Variants in KANK1 observed in about 807,000 individuals in gnomAD.
The protein encoded by KANK1 is KN motif and ankyrin repeat domains 1.
KANK1 carries 109 observed loss-of-function variants against 106.2 expected under a neutral mutation model. The observed-to-expected ratio is 1.03, with a 90% confidence interval of 0.88 to 1.20. KANK1 has a LOEUF of 1.20. KANK1 is among the 50% of genes most tolerant of loss of function. The pLI, the probability that KANK1 is intolerant of heterozygous loss-of-function variation, is 0.00. For synonymous variants in KANK1, 873 were observed against 652.2 expected (o/e 1.34, Z -5.16); for missense variants, 2,399 against 1,710.7 (o/e 1.40, Z -7.10).
chr9:504,510 G>C (rs897519321), upstream of KANK1, among the ~76,000 whole-genome samples: 1 of 150,220 alleles, frequency 6.7e-6, no homozygotes, highest in Non-Finnish European at 1.5e-5. Flanking sequence ...CCGGGGCTTC[G>C]CCGGCCCGCG....
At chr9:533,409 T>G (rs2060152718) in intron 1 of KANK1, among the ~76,000 whole-genome samples, 1 of 152,234 alleles carries the variant, frequency 6.6e-6, no homozygotes, top group Non-Finnish European at 1.5e-5. Flanking sequence ...ATCACTGGGC[T>G]TTTTGTGGGG....
chr9:615,958 T>C (rs923020408), intron 1 of KANK1, among the ~76,000 whole-genome samples: 1 of 152,152 alleles, frequency 6.6e-6, no homozygotes, highest in Admixed American at 6.5e-5. Context: ...GCTGTGTTGA[T>C]GCCATTTGCC....
chr9:479,156 C>T (rs774530146), intron 3 of KANK1, among the ~76,000 whole-genome samples: 5 of 152,204 alleles, frequency 3.3e-5, no homozygotes, highest in Non-Finnish European at 5.9e-5. Flanking sequence ...AATTTTATAT[C>T]GTGCTCTTTG....
intron 1 of KANK1, among the ~76,000 whole-genome samples, chr9:639,022 G>A (rs1421372823): frequency 6.6e-6 from 1 of 152,106 alleles, no homozygotes; most frequent in Non-Finnish European, 1.5e-5. Context: ...AATGAATAGT[G>A]CATAACAGAA....
chr9:739,814 G>A (rs1315732576), intron 8 of KANK1, among the ~76,000 whole-genome samples: 3 of 151,990 alleles, frequency 2.0e-5, no homozygotes, highest in Non-Finnish European at 4.4e-5. Flanking sequence ...GCTCCATAAG[G>A]TGTAGATCTA....
intron 2 of KANK1, among the ~76,000 whole-genome samples, chr9:696,383 C>T (rs756258165): frequency 1.9e-4 from 29 of 151,978 alleles, no homozygotes; most frequent in African/African-American, 7.0e-4. Flanking sequence ...CACAGTTCCG[C>T]GTATATAGGC....
At chr9:664,523 C>G (rs1008371474) in intron 1 of KANK1, among the ~76,000 whole-genome samples, 2 of 152,110 alleles carry the variant, frequency 1.3e-5, no homozygotes, top group Non-Finnish European at 2.9e-5. Flanking sequence ...TCTCAAACTC[C>G]TGGACTCAAG....
intron 3 of KANK1, among the ~76,000 whole-genome samples, chr9:480,549 A>G (rs1158225456): frequency 7.9e-5 from 12 of 152,258 alleles, no homozygotes; most frequent in Admixed American, 6.5e-4. Context: ...GAATGGGGAA[A>G]GCATTTAGCA....
At chr9:471,828 A>T (rs953247969) in intron 2 of KANK1, among the ~76,000 whole-genome samples, 2 of 152,140 alleles carry the variant, frequency 1.3e-5, no homozygotes, top group African/African-American at 4.8e-5. Flanking sequence ...TAGGCATTGG[A>T]GATTACAGTG....
intron 1 of KANK1, among the ~76,000 whole-genome samples, chr9:600,372 C>G (rs1466014190): frequency 1.3e-5 from 2 of 151,676 alleles, no homozygotes; most frequent in African/African-American, 4.9e-5. Flanking sequence ...AAATTTCATT[C>G]CTTTCTAAGG....
intron 1 of KANK1, among the ~76,000 whole-genome samples, chr9:641,556 C>G (rs114925879): frequency 6.6e-6 from 1 of 152,180 alleles, no homozygotes; most frequent in Non-Finnish European, 1.5e-5. Flanking sequence ...GATTCCAAGG[C>G]ATATTACCCT....
intron 1 of KANK1, among the ~76,000 whole-genome samples, chr9:531,162 G>T (rs748111406): frequency 1.4e-4 from 21 of 152,020 alleles, no homozygotes; most frequent in Non-Finnish European, 2.8e-4. Context: ...TAATTGGCTG[G>T]GTGTAGTGGT....
At chr9:518,744 G>A (rs1353896489) in intron 1 of KANK1, among the ~76,000 whole-genome samples, 1 of 151,440 alleles carries the variant, frequency 6.6e-6, no homozygotes, top group Admixed American at 6.6e-5. Context: ...CGGAGAAAGG[G>A]CGGTGACCCT....
chr9:656,445 C>G (rs1368920555), intron 1 of KANK1, among the ~76,000 whole-genome samples: 1 of 152,134 alleles, frequency 6.6e-6, no homozygotes, highest in East Asian at 1.9e-4. Flanking sequence ...GTGGTCTTCC[C>G]TTTTGCCTCT....
At chr9:720,156 C>G (rs1271226330) in intron 3 of KANK1, among the ~76,000 whole-genome samples, 1 of 152,168 alleles carries the variant, frequency 6.6e-6, no homozygotes, top group Admixed American at 6.5e-5. Flanking sequence ...AAATGAGGCT[C>G]ATGCTTTATT....
intron 1 of KANK1, among the ~76,000 whole-genome samples, chr9:671,315 AT>A (rs1381146892): frequency 6.6e-6 from 1 of 151,856 alleles, no homozygotes; most frequent in Non-Finnish European, 1.5e-5. Context: ...AAGGTTGATA[AT>A]CAAGCCTGCT....
rs754764351 is a variant in KANK1, at chr9:521,853, C to G, written c.-84+17099C>G. Among the ~76,000 whole-genome samples the G allele has an allele frequency of 5.9e-5, 9 of 151,666 alleles. No individual in the cohort carries two copies. The East Asian group carries it at 1.5e-3, about 26-fold the overall frequency. ...AAAGTGCTGGGATTACAGGCATGAG[C>G]CACTGTGCCTGGCTCAGATTCTTTT... On this transcript the variant is annotated intron_variant, in intron 1 of 11. Coordinates refer to ENST00000382297, the MANE Select transcript of KANK1 (RefSeq NM_015158.5).
chr9:689,465 GTCTTCTGAGCGGAT>G (rs1233771492), intron 2 of KANK1, among the ~76,000 whole-genome samples: 1 of 152,136 alleles, frequency 6.6e-6, no homozygotes, highest in Non-Finnish European at 1.5e-5. Flanking sequence ...CTCATGTTAA[GTCTTCTGAGCGGAT>G]CCTGCTAATC....
chr9:570,599 T>G (rs547527867), intron 1 of KANK1, among the ~76,000 whole-genome samples: 1 of 152,344 alleles, frequency 6.6e-6, no homozygotes, highest in South Asian at 2.1e-4. Flanking sequence ...GCATGCTGCT[T>G]CATTCGATTA....
Sources: gnomAD v4.1 joint callset for allele counts (sites outside exome capture counted in the v4.1 genomes callset) on GRCh38, gnomAD v4.1.1 for gene constraint, MANE v1.5 for transcripts, NCBI Gene and HGNC (gene_info 2026-07-23, HGNC 2026-07-21) for gene names.